EDN1: variants seen among roughly 807,000 people sequenced by gnomAD.
EDN1 encodes endothelin 1.
EDN1 carries 11 observed loss-of-function variants against 21.7 expected under a neutral mutation model. The ratio of observed to expected loss-of-function variants is 0.51; its 90% CI spans 0.32 to 0.84. The LOEUF is 0.84. EDN1 is among the 40% of genes least tolerant of loss of function. The pLI is 0.03. For synonymous variants in EDN1, 85 were observed against 90.6 expected (o/e 0.94, Z 0.35); for missense variants, 244 against 262.3 (o/e 0.93, Z 0.48).
chr6:12,272,590 TG>T, the EDN1 span, among the ~76,000 whole-genome samples: 1 of 151,658 alleles, frequency 6.6e-6, no homozygotes, highest in African/African-American at 2.4e-5. Flanking sequence ...CCGGAGTAGC[TG>T]GGATTGCAGG....
At chr6:12,292,538 A>C (rs1334995838) in intron 2 of EDN1, 29 bp downstream of exon 2, 4 of 1,613,714 alleles carry the variant, frequency 2.5e-6, no homozygotes, top group Non-Finnish European at 3.4e-6. Context: ...TTGTAACCCT[A>C]GTCATTCATT....
chr6:12,293,038 T>C (rs1762725856), intron 2 of EDN1, among the ~76,000 whole-genome samples: 1 of 152,224 alleles, frequency 6.6e-6, no homozygotes, highest in African/African-American at 2.4e-5. Flanking sequence ...CCTTTGCTGC[T>C]ATATTTTCCC....
intron 2 of EDN1, among the ~76,000 whole-genome samples, chr6:12,292,899 G>C (rs993088664): frequency 2.0e-5 from 3 of 152,222 alleles, no homozygotes; most frequent in African/African-American, 7.2e-5. Flanking sequence ...TGGAGACTGA[G>C]AGGCAGAAGT....
chr6:12,290,355 C>T, upstream of EDN1: 4 of 512,456 alleles, frequency 7.8e-6, 1 homozygote, highest in South Asian at 8.4e-5. Flanking sequence ...GAGAGCTGTC[C>T]AAGTCAGACG....
chr6:12,276,551 G>A, the EDN1 span, among the ~76,000 whole-genome samples: 5,162 of 152,286 alleles, frequency 0.034, 278 homozygotes, highest in African/African-American at 0.11. Flanking sequence ...CGTTTGTACC[G>A]AGTTATGGTG....
At chr6:12,288,397 G>A (rs1392245407), upstream of EDN1, among the ~76,000 whole-genome samples, 1 of 152,192 alleles carries the variant, frequency 6.6e-6, no homozygotes, top group African/African-American at 2.4e-5. Context: ...GGGAGGTCAG[G>A]GCACCCTTGC....
At chr6:12,280,964 T>A in the EDN1 span, among the ~76,000 whole-genome samples, 1 of 152,206 alleles carries the variant, frequency 6.6e-6, no homozygotes, top group Non-Finnish European at 1.5e-5. Flanking sequence ...GAAATTAAAG[T>A]AAAAATGCCT....
At chr6:12,269,936 G>GGGGC in the EDN1 span, among the ~76,000 whole-genome samples, 1 of 151,934 alleles carries the variant, frequency 6.6e-6, no homozygotes, top group Non-Finnish European at 1.5e-5. Context: ...CACTTGGTCC[G>GGGGC]GGGCTTTTCT....
the EDN1 span, among the ~76,000 whole-genome samples, chr6:12,268,099 C>A: frequency 6.6e-6 from 1 of 152,050 alleles, no homozygotes. Flanking sequence ...ACCTGGTTAC[C>A]CAAGAGTTCT....
At chr6:12,238,896 T>C in the EDN1 span, among the ~76,000 whole-genome samples, 1 of 152,224 alleles carries the variant, frequency 6.6e-6, no homozygotes, top group Admixed American at 6.5e-5. Context: ...GATTGGTGTA[T>C]AAATATATAC....
At chr6:12,279,567 G>C in the EDN1 span, among the ~76,000 whole-genome samples, 1 of 152,200 alleles carries the variant, frequency 6.6e-6, no homozygotes, top group African/African-American at 2.4e-5. Flanking sequence ...GGTTGGTTTA[G>C]GATAAATTTT....
chr6:12,232,342 A>T, the EDN1 span, among the ~76,000 whole-genome samples: 1 of 151,594 alleles, frequency 6.6e-6, no homozygotes, highest in African/African-American at 2.4e-5. Context: ...AAGTCTGTTC[A>T]TATTTTTAGT....
the EDN1 span, among the ~76,000 whole-genome samples, chr6:12,274,518 A>G: frequency 3.9e-5 from 6 of 152,232 alleles, no homozygotes; most frequent in East Asian, 7.7e-4. Flanking sequence ...ATTTTTAGAT[A>G]TGTTTCTCCC....
chr6:12,284,380 A>C, the EDN1 span, among the ~76,000 whole-genome samples: 7 of 152,098 alleles, frequency 4.6e-5, no homozygotes, highest in Non-Finnish European at 1.0e-4. Flanking sequence ...AACAAAAAAG[A>C]AATGCATAAT....
the EDN1 span, among the ~76,000 whole-genome samples, chr6:12,284,738 AG>A: frequency 0.14 from 18,226 of 128,224 alleles, 1,309 homozygotes; most frequent in South Asian, 0.2. Flanking sequence ...GAAGGAAGGA[AG>A]GAAGGAAGGA....
intron 4 of EDN1, among the ~76,000 whole-genome samples, chr6:12,294,736 A>G (rs1163837099): frequency 6.6e-6 from 1 of 152,138 alleles, no homozygotes; most frequent in Middle Eastern, 3.2e-3. Context: ...GAGTCAATGT[A>G]TTTACCACTT....
chr6:12,233,092 C>G, the EDN1 span, among the ~76,000 whole-genome samples: 1 of 152,100 alleles, frequency 6.6e-6, no homozygotes, highest in Non-Finnish European at 1.5e-5. Context: ...TCTTTTTTCT[C>G]TTTGTTTTCC....
chr6:12,258,839 T>G, the EDN1 span, among the ~76,000 whole-genome samples: 1 of 152,128 alleles, frequency 6.6e-6, no homozygotes, highest in Admixed American at 6.5e-5. Context: ...CCTAACACCA[T>G]GATGAAACTG....
chr6:12,248,242 G>T, the EDN1 span, among the ~76,000 whole-genome samples: 1 of 152,206 alleles, frequency 6.6e-6, no homozygotes, highest in Non-Finnish European at 1.5e-5. Context: ...CATGGAGCAA[G>T]AAGGAGGCTG....
Sources: allele counts gnomAD v4.1 joint callset (sites outside exome capture counted in the v4.1 genomes callset), GRCh38; gene constraint gnomAD v4.1.1; transcripts MANE v1.5; gene names NCBI Gene and HGNC (gene_info 2026-07-23, HGNC 2026-07-21).